Variants in WASHC4 observed in about 807,000 individuals in gnomAD.
WASHC4 encodes the protein WASH complex subunit 4.
In WASHC4, 86 loss-of-function variants were observed where a neutral mutation model predicts 166.6. The observed-to-expected ratio is 0.52, with a 90% CI of 0.43 to 0.62. WASHC4 has a LOEUF of 0.62. Among genes scored for constraint, WASHC4 ranks in the 20% least tolerant of loss-of-function variants. The pLI, the probability that WASHC4 is intolerant of heterozygous loss-of-function variation, is 0.00. For missense variants in WASHC4, 1,262 were observed against 1,382.4 expected, an observed-to-expected ratio of 0.91 and a Z score of 1.38; for synonymous variants, 446 against 451.6, an observed-to-expected ratio of 0.99 and a Z score of 0.16.
intron 6 of WASHC4, among the ~76,000 whole-genome samples, chr12:105,116,356 C>T (rs1880180954): frequency 6.6e-6 from 1 of 152,274 alleles, no homozygotes; most frequent in African/African-American, 2.4e-5. Context: ...TGCTAACATA[C>T]TGTTCAAATC....
chr12:105,147,444 T>G, intron 24 of WASHC4: 1 of 405,380 alleles, frequency 2.5e-6, no homozygotes, highest in Non-Finnish European at 4.4e-6. Flanking sequence ...CACATATATA[T>G]ATGTTTATCT....
intron 30 of WASHC4, 92 bp downstream of exon 30, chr12:105,162,937 C>A: frequency 1.5e-6 from 1 of 671,734 alleles, no homozygotes; most frequent in Non-Finnish European, 2.5e-6. Flanking sequence ...TCTATATGTT[C>A]TTTATAGATT....
intron 10 of WASHC4, 124 bp from the exon 11 acceptor site, chr12:105,125,880 T>C: frequency 1.1e-6 from 1 of 921,876 alleles, no homozygotes; most frequent in Middle Eastern, 3.3e-4. Context: ...TGAGCTTTAG[T>C]TTTAGTAAAA....
intron 26 of WASHC4, among the ~76,000 whole-genome samples, chr12:105,156,064 A>G (rs941628539): frequency 7.2e-5 from 11 of 152,186 alleles, no homozygotes; most frequent in East Asian, 5.8e-4. Context: ...GATTCTGGCT[A>G]CGTTTTCAAG....
At chr12:105,124,606 G>A (rs971761164) in intron 10 of WASHC4, among the ~76,000 whole-genome samples, 7 of 151,804 alleles carry the variant, frequency 4.6e-5, no homozygotes, top group African/African-American at 1.5e-4. Context: ...TCAGCCTCCC[G>A]AGTAGCTGGG....
chr12:105,136,406 T>C (rs936785140), intron 14 of WASHC4, among the ~76,000 whole-genome samples: 2 of 152,188 alleles, frequency 1.3e-5, no homozygotes, highest in Non-Finnish European at 2.9e-5. Context: ...TATGAGGCAT[T>C]TTTAAACCGT....
intron 7 of WASHC4, among the ~76,000 whole-genome samples, chr12:105,120,139 C>G (rs1055093070): frequency 1.3e-5 from 2 of 152,154 alleles, no homozygotes; most frequent in African/African-American, 2.4e-5. Context: ...AACAAAAATT[C>G]TAGTTGGTAA....
intron 10 of WASHC4, 64 bp downstream of exon 10, chr12:105,122,302 T>C (rs981093162): frequency 2.6e-6 from 4 of 1,522,542 alleles, no homozygotes; most frequent in Non-Finnish European, 3.6e-6. Flanking sequence ...CTCAGAATTA[T>C]AGTAGGACAC....
chr12:105,164,065 T>G lies in WASHC4; in HGVS notation c.3158-46T>G, dbSNP rs376871440. On this transcript the variant is annotated intron_variant, in intron 30 of 32. Coordinates refer to ENST00000332180, the MANE Select transcript of WASHC4 (RefSeq NM_015275.3). ...TATTGGTGAAGGAGTAGAATACCAC[T>G]TCTGTACTCACTGTAATTTAACCTT... 16 of 1,532,162 alleles carry G rather than the reference T, an allele frequency of 1.0e-5. No individual in the cohort carries two copies. The African/African-American group carries it at 1.5e-4, about 14-fold the overall frequency. 94.9% of individuals were successfully genotyped at this position (1,532,162 alleles called of 1,614,324 possible).
intron 26 of WASHC4, among the ~76,000 whole-genome samples, chr12:105,155,660 G>A (rs1884101444): frequency 1.3e-5 from 2 of 151,912 alleles, no homozygotes; most frequent in Non-Finnish European, 2.9e-5. Context: ...GGCCAACATG[G>A]TGAAACCCCA....
At chr12:105,136,868 G>T (rs909274564) in intron 14 of WASHC4, among the ~76,000 whole-genome samples, 9 of 151,998 alleles carry the variant, frequency 5.9e-5, no homozygotes, top group Admixed American at 3.3e-4. Context: ...GAGAAACTTT[G>T]TGTGTGGTTC....
intron 14 of WASHC4, among the ~76,000 whole-genome samples, chr12:105,136,424 A>G (rs979121867): frequency 6.6e-6 from 1 of 151,856 alleles, no homozygotes; most frequent in Non-Finnish European, 1.5e-5. Context: ...CGTTTTGCCC[A>G]TATATTCTAG....
chr12:105,117,751 T>G (rs550372434), intron 6 of WASHC4, among the ~76,000 whole-genome samples: 1 of 152,282 alleles, frequency 6.6e-6, no homozygotes, highest in East Asian at 1.9e-4. Flanking sequence ...AGCTTAAAAT[T>G]TAGATCAGCA....
Position 105,144,398 on chromosome 12 carries a change from G to A in WASHC4, c.2122G>A (p.Ala708Thr), listed in dbSNP as rs748290057. ...NPFKVGMKDL[A>T]LFFSLNPIRF... ...TTTCAAAGTTGGCATGAAAGACCTG[G>A]CTCTTTTTTTCTCTCTGAATCCAAT... The change falls in exon 21 of 33, where the codon GCT becomes ACT. Residue 708 changes from alanine (A) to threonine (T), a missense_variant. Transcript: ENST00000332180. 6.2e-7 allele frequency: 1 copy of A among 1,613,250 alleles called. No individual in the cohort carries two copies. The highest frequency in any genetic ancestry group is 1.7e-5 in the Admixed American group (1 of 59,972).
At chr12:105,142,337 T>C (rs1882940371) in intron 18 of WASHC4, 116 bp from the exon 19 acceptor site, 1 of 708,124 alleles carries the variant, frequency 1.4e-6, no homozygotes, top group Non-Finnish European at 2.6e-6. Flanking sequence ...TTAAGTGATG[T>C]AGGGAATGCG....
intron 13 of WASHC4, among the ~76,000 whole-genome samples, chr12:105,127,628 A>G (rs189116851): frequency 5.3e-5 from 8 of 152,250 alleles, no homozygotes; most frequent in Non-Finnish European, 1.0e-4. Context: ...TTCTGTGTCC[A>G]TGGTGATTTT....
chr12:105,164,747 G>A lies in WASHC4; in HGVS notation c.3454+7G>A. 6.2e-7 allele frequency: 1 copy of A among 1,600,464 alleles called. No homozygotes were observed. The highest frequency in any genetic ancestry group is 8.6e-7 in the Non-Finnish European group (1 of 1,168,814). On this transcript the variant is annotated splice_region_variant and intron_variant, in intron 32 of 32. Transcript: ENST00000332180. ...GAAAAGAAAGAGAAGGAAGGTCAGT[G>A]AGTGGTTTAAATTTGGAAAGACCAA...
chr12:105,140,584 T>C (rs899982795), intron 16 of WASHC4, among the ~76,000 whole-genome samples, 183 bp downstream of exon 16: 1 of 152,242 alleles, frequency 6.6e-6, no homozygotes, highest in African/African-American at 2.4e-5. Flanking sequence ...ATCTTTACTG[T>C]GAAATTGCAG....
chr12:105,146,827 T>A (rs1883334131), intron 23 of WASHC4, among the ~76,000 whole-genome samples: 1 of 152,148 alleles, frequency 6.6e-6, no homozygotes, highest in Non-Finnish European at 1.5e-5. Context: ...AATCGTAAAC[T>A]TCTGACCACC....
Sources: gnomAD v4.1 joint callset for allele counts (sites outside exome capture counted in the v4.1 genomes callset) on GRCh38, gnomAD v4.1.1 for gene constraint, MANE v1.5 for transcripts, NCBI Gene and HGNC (gene_info 2026-07-23, HGNC 2026-07-21) for gene names.